SNX29: variants seen among roughly 807,000 people sequenced by gnomAD.
SNX29 encodes sorting nexin-29.
Under a neutral mutation model 102.1 loss-of-function variants are expected in SNX29, and 78 were observed. The observed-to-expected ratio is 0.76, with a 90% confidence interval of 0.64 to 0.92. SNX29 has a LOEUF of 0.92. Ranked by LOEUF, SNX29 falls within the 40% of genes least tolerant of loss-of-function variation. The probability of loss-of-function intolerance (pLI) is 0.00; values close to 1 mark genes in which losing one functional copy is unlikely to be tolerated. For missense variants in SNX29, 1,280 were observed against 1,061.7 expected (o/e 1.21, Z -2.86); for synonymous variants, 580 against 414.5 (o/e 1.40, Z -4.85).
intron 18 of SNX29, among the ~76,000 whole-genome samples, chr16:12,412,847 T>C (rs2084460147): frequency 6.6e-6 from 1 of 152,230 alleles, no homozygotes; most frequent in Non-Finnish European, 1.5e-5. Flanking sequence ...AAGAAGTGTT[T>C]TGCACTAGAT....
chr16:12,500,030 C>T lies in SNX29; in HGVS notation c.2178+22171C>T, dbSNP rs60141416. 3.9e-3 allele frequency among the ~76,000 whole-genome samples: 587 copies of T among 152,100 alleles called. 6 individuals carry two copies. Among genetic ancestry groups the T allele is most frequent in the African/African-American group, 0.014 (565 of 41,476 alleles). On this transcript the variant is annotated intron_variant, in intron 19 of 20. Coordinates refer to ENST00000566228, the MANE Select transcript of SNX29 (RefSeq NM_032167.5). Reference sequence around the variant, plus strand: ...TTTTACAGATAGGATCTTGCACTGTCACCCAGGTAGGAGTACAGTGGCGTG... The same window carrying T: ...TTTTACAGATAGGATCTTGCACTGTTACCCAGGTAGGAGTACAGTGGCGTG...
chr16:11,982,923 T>TCC (rs2055456436), intron 1 of SNX29, among the ~76,000 whole-genome samples: 1 of 151,936 alleles, frequency 6.6e-6, no homozygotes, highest in African/African-American at 2.4e-5. Flanking sequence ...TAAAAAAAAT[T>TCC]TTTTTTAATT....
At chr16:12,559,618 C>G (rs540980457) in intron 20 of SNX29, among the ~76,000 whole-genome samples, 2 of 152,082 alleles carry the variant, frequency 1.3e-5, no homozygotes, top group African/African-American at 4.8e-5. Context: ...GCCACGTGAC[C>G]TTGCACATGG....
At chr16:12,464,608 C>G (rs2086968239) in intron 18 of SNX29, among the ~76,000 whole-genome samples, 1 of 152,008 alleles carries the variant, frequency 6.6e-6, no homozygotes, top group Non-Finnish European at 1.5e-5. Context: ...GCATGTACCA[C>G]CACACCTGGC....
At chr16:12,051,617 A>G (rs1411373801) in intron 7 of SNX29, among the ~76,000 whole-genome samples, 1 of 152,222 alleles carries the variant, frequency 6.6e-6, no homozygotes, top group Admixed American at 6.5e-5. Flanking sequence ...AACAGTTTCA[A>G]GATGTGCTCT....
chr16:12,567,848 C>T (rs1258847513), intron 20 of SNX29, among the ~76,000 whole-genome samples: 1 of 152,182 alleles, frequency 6.6e-6, no homozygotes, highest in African/African-American at 2.4e-5. Flanking sequence ...CTCCCAGCCT[C>T]TACCCTATCC....
intron 13 of SNX29, among the ~76,000 whole-genome samples, chr16:12,134,972 A>G (rs561257525): frequency 2.0e-5 from 3 of 152,296 alleles, no homozygotes; most frequent in East Asian, 1.9e-4. Flanking sequence ...GTGTAGTTCA[A>G]AGGCCCAAGA....
At chr16:12,442,433 C>T (rs1232054017) in intron 18 of SNX29, among the ~76,000 whole-genome samples, 1 of 152,082 alleles carries the variant, frequency 6.6e-6, no homozygotes, top group African/African-American at 2.4e-5. Context: ...ATCTTTAGGG[C>T]AAGAGATTAC....
At chr16:11,979,157 C>T (rs955168790) in intron 1 of SNX29, among the ~76,000 whole-genome samples, 51 of 150,222 alleles carry the variant, frequency 3.4e-4, no homozygotes, top group African/African-American at 1.2e-3. Context: ...CGCCTGTAAT[C>T]GCAGCTACTC....
intron 20 of SNX29, among the ~76,000 whole-genome samples, chr16:12,555,743 CCCA>C (rs1363678870): frequency 2.0e-5 from 3 of 152,076 alleles, no homozygotes; most frequent in African/African-American, 4.8e-5. Flanking sequence ...CTTCCACCTC[CCCA>C]CAACTCCAAC....
At chr16:12,498,723 C>T (rs78513317) in intron 19 of SNX29, among the ~76,000 whole-genome samples, 2,802 of 152,330 alleles carry the variant, frequency 0.018, 60 homozygotes, top group East Asian at 0.1. Flanking sequence ...AACTCTACAT[C>T]TGTCTCTAAG....
chr16:12,549,736 C>T lies in SNX29; in HGVS notation c.2319-18770C>T, dbSNP rs116138142. 2.6e-3 allele frequency among the ~76,000 whole-genome samples: 400 copies of T among 152,306 alleles called. 1 individual carries two copies. Among genetic ancestry groups the T allele is most frequent in the African/African-American group, 9.2e-3 (381 of 41,568 alleles). ...GGAGAGTCACCCTACAAAGTGTGTT[C>T]CAGCATTTACTTTGAGACCTGTTGG... On this transcript the variant is annotated intron_variant, in intron 20 of 20. Coordinates refer to ENST00000566228, the MANE Select transcript of SNX29 (RefSeq NM_032167.5).
chr16:12,270,027 A>G (rs1445756440), intron 14 of SNX29, among the ~76,000 whole-genome samples: 1 of 151,812 alleles, frequency 6.6e-6, no homozygotes, highest in Non-Finnish European at 1.5e-5. Context: ...CGCCCAGCTA[A>G]TTTTTGTATT....
At chr16:12,566,836 GTCAAATGT>G (rs1175675296) in intron 20 of SNX29, among the ~76,000 whole-genome samples, 13 of 152,320 alleles carry the variant, frequency 8.5e-5, no homozygotes, top group African/African-American at 2.9e-4. Flanking sequence ...TTTGTTCAAG[GTCAAATGT>G]TTCTTTTTCA....
At chr16:12,567,640 T>C (rs778411717) in intron 20 of SNX29, among the ~76,000 whole-genome samples, 1 of 152,090 alleles carries the variant, frequency 6.6e-6, no homozygotes, top group Non-Finnish European at 1.5e-5. Context: ...CTAGTACCTA[T>C]AGTCCCAGCT....
chr16:12,488,289 A>G (rs907608537), intron 19 of SNX29, among the ~76,000 whole-genome samples: 2 of 152,144 alleles, frequency 1.3e-5, no homozygotes, highest in Non-Finnish European at 2.9e-5. Context: ...CTCAAGTTGT[A>G]GAACTTGCTG....
intron 13 of SNX29, among the ~76,000 whole-genome samples, chr16:12,151,185 A>G (rs1192553036): frequency 6.6e-6 from 1 of 151,806 alleles, no homozygotes; most frequent in African/African-American, 2.4e-5. Context: ...AGCCTGTTAC[A>G]CTCTCTGCTT....
At chr16:12,469,416 C>G (rs2087229552) in intron 18 of SNX29, among the ~76,000 whole-genome samples, 1 of 152,160 alleles carries the variant, frequency 6.6e-6, no homozygotes, top group Admixed American at 6.5e-5. Context: ...AACCAAAACA[C>G]AAATCATTTC....
chr16:12,459,729 C>G (rs145316417), intron 18 of SNX29, among the ~76,000 whole-genome samples: 120 of 152,306 alleles, frequency 7.9e-4, no homozygotes, highest in African/African-American at 2.8e-3. Context: ...GGCCTCGCAG[C>G]TAACCTTGGA....
Sources: gnomAD v4.1 joint callset for allele counts (sites outside exome capture counted in the v4.1 genomes callset) on GRCh38, gnomAD v4.1.1 for gene constraint, MANE v1.5 for transcripts, NCBI Gene and HGNC (gene_info 2026-07-23, HGNC 2026-07-21) for gene names.